ARID5B: variants seen among roughly 807,000 people sequenced by gnomAD.
ARID5B encodes the protein AT-rich interaction domain 5B.
In ARID5B, 13 loss-of-function variants were observed where a neutral mutation model predicts 97.2. That is an observed-to-expected ratio of 0.13 (90% confidence interval 0.09 to 0.21). The LOEUF (loss-of-function observed/expected upper bound fraction) is 0.21. Ranked by LOEUF, ARID5B falls within the 10% of genes least tolerant of loss-of-function variation. ARID5B has a pLI of 1.00. For missense variants in ARID5B, 1,210 were observed against 1,465.3 expected (o/e 0.83, Z 2.84); for synonymous variants, 556 against 570.3 (o/e 0.97, Z 0.36).
intron 2 of ARID5B, among the ~76,000 whole-genome samples, chr10:61,920,759 T>C (rs1844000438): frequency 6.6e-6 from 1 of 152,194 alleles, no homozygotes; most frequent in South Asian, 2.1e-4. Flanking sequence ...TTCAATTAAA[T>C]TCAATCAATA....
At chr10:61,946,688 C>T (rs1028534389) in intron 3 of ARID5B, among the ~76,000 whole-genome samples, 1 of 152,116 alleles carries the variant, frequency 6.6e-6, no homozygotes, top group Non-Finnish European at 1.5e-5. Context: ...TTTGGGAGGC[C>T]AAGGCGGGTG....
chr10:61,938,728 T>C lies in ARID5B; in HGVS notation c.277-1455T>C, dbSNP rs1844347119. On this transcript the variant is annotated intron_variant, in intron 2 of 9. Coordinates refer to ENST00000279873, the MANE Select transcript of ARID5B (RefSeq NM_032199.3). ...CCATTTAGTGGTAGTTCATATTTAA[T>C]CATGATAAGGGAAAGGATTCCATTA... is the stretch of plus-strand genomic sequence containing the variant. Among the ~76,000 whole-genome samples the C allele has an allele frequency of 2.0e-5, 3 of 152,180 alleles. No individual in the cohort carries two copies. In the South Asian group the frequency reaches 6.2e-4, roughly 32 times the overall value.
intron 4 of ARID5B, among the ~76,000 whole-genome samples, chr10:62,023,016 T>C (rs1389143742): frequency 6.6e-6 from 1 of 152,246 alleles, no homozygotes; most frequent in East Asian, 1.9e-4. Context: ...AACATATCTC[T>C]GTGTTTGTCT....
At chr10:61,930,516 C>T (rs1205152487) in intron 2 of ARID5B, among the ~76,000 whole-genome samples, 4 of 151,748 alleles carry the variant, frequency 2.6e-5, no homozygotes, top group African/African-American at 7.3e-5. Flanking sequence ...GTCAGGAGAT[C>T]GAGACCATCC....
intron 4 of ARID5B, among the ~76,000 whole-genome samples, chr10:62,034,836 A>AT (rs768407832): frequency 1.3e-5 from 2 of 152,188 alleles, no homozygotes; most frequent in African/African-American, 2.4e-5. Context: ...CGGTAGGCAC[A>AT]TTTTTTTAGG....
intron 8 of ARID5B, among the ~76,000 whole-genome samples, chr10:62,073,742 CTGTTGCTA>C (rs1166972382): frequency 6.6e-6 from 1 of 152,188 alleles, no homozygotes; most frequent in Non-Finnish European, 1.5e-5. Context: ...CATCGCAAGG[CTGTTGCTA>C]TGTAGATGTC....
At chr10:61,929,065 A>C (rs543014840) in intron 2 of ARID5B, among the ~76,000 whole-genome samples, 2 of 152,330 alleles carry the variant, frequency 1.3e-5, no homozygotes, top group South Asian at 4.1e-4. Flanking sequence ...CCGTCAGGAC[A>C]CAAGCTGAAG....
At chr10:61,976,593 T>A (rs1217033988) in intron 3 of ARID5B, among the ~76,000 whole-genome samples, 3 of 152,144 alleles carry the variant, frequency 2.0e-5, no homozygotes, top group Non-Finnish European at 4.4e-5. Flanking sequence ...GGAAAATGAA[T>A]AAAATTCTCA....
In ARID5B at chr10:61,950,505, A is replaced by C. The variant is rs537983309; in HGVS notation, c.502+10097A>C. On this transcript the variant is annotated intron_variant, in intron 3 of 9. Transcript: ENST00000279873. ...GCAACATAGTGAGACCTGTCTCTGC[A>C]AAAAAATTTTAAAAATTAGCTGAGT... is the stretch of plus-strand genomic sequence containing the variant. Among the ~76,000 whole-genome samples, 355 of 152,276 alleles carry C rather than the reference A, an allele frequency of 2.3e-3. 3 individuals carry two copies. Among genetic ancestry groups the C allele is most frequent in the Middle Eastern group, 3.4e-3 (1 of 294 alleles).
Position 62,096,225 on chromosome 10 carries a change from C to G in ARID5B, c.*3195C>G, listed in dbSNP as rs1480041787. 4.3e-6 allele frequency: 1 copy of G among 233,464 alleles called. No homozygotes were observed. The highest frequency in any genetic ancestry group is 8.5e-6 in the Non-Finnish European group (1 of 118,030). 14.5% of individuals were successfully genotyped at this position (233,464 alleles called of 1,614,324 possible). On this transcript the variant is annotated 3_prime_UTR_variant, in exon 10 of 10. Coordinates refer to ENST00000279873, the MANE Select transcript of ARID5B (RefSeq NM_032199.3). ...CGATGTTAACTTTACAACTTTCTGACCTGGTGCATGAATTCTCAAGTACTG... is the reference window on the plus strand; with the variant it reads ...CGATGTTAACTTTACAACTTTCTGAGCTGGTGCATGAATTCTCAAGTACTG...
At chr10:62,017,327 C>T (rs1410851436) in intron 4 of ARID5B, among the ~76,000 whole-genome samples, 1 of 152,026 alleles carries the variant, frequency 6.6e-6, no homozygotes, top group Non-Finnish European at 1.5e-5. Flanking sequence ...GTGACATGCC[C>T]CGTAATCCTA....
Position 62,095,138 on chromosome 10 carries a change from A to G in ARID5B, c.*2108A>G, listed in dbSNP as rs1840449186. The G allele has an allele frequency of 4.3e-6, 1 of 231,474 alleles. No homozygotes were observed. Among genetic ancestry groups the G allele is most frequent in the Non-Finnish European group, 8.6e-6 (1 of 116,826 alleles). The allele number at this position is 231,474 out of a possible 1,614,324, so 14.3% of individuals were successfully genotyped here. ...ATATATTTAATAGAACCATAGATAG[A>G]CTAGTAGAATTTAGATTATAAATGT... On this transcript the variant is annotated 3_prime_UTR_variant, in exon 10 of 10. Transcript: ENST00000279873.
At chr10:61,940,434 C>T (rs184104031) in intron 3 of ARID5B, 26 bp downstream of exon 3, 6 of 1,586,346 alleles carry the variant, frequency 3.8e-6, no homozygotes. Flanking sequence ...AATTTTAAAT[C>T]TAATGTGTGG....
chr10:62,006,476 G>A (rs2132874447), intron 4 of ARID5B, among the ~76,000 whole-genome samples: 1 of 152,174 alleles, frequency 6.6e-6, no homozygotes, highest in Non-Finnish European at 1.5e-5. Context: ...ACAAAATAAT[G>A]GTCTAACCAA....
intron 3 of ARID5B, among the ~76,000 whole-genome samples, chr10:61,995,751 G>A (rs1324737509): frequency 6.6e-6 from 1 of 152,124 alleles, no homozygotes; most frequent in Non-Finnish European, 1.5e-5. Flanking sequence ...GGCTTTTCCA[G>A]GTCCCACTTT....
chr10:61,963,697 G>A lies in ARID5B; in HGVS notation c.502+23289G>A, dbSNP rs576469201. 2.6e-5 allele frequency among the ~76,000 whole-genome samples: 4 copies of A among 152,132 alleles called. No individual in the cohort carries two copies. In the South Asian group the frequency reaches 8.3e-4, roughly 32 times the overall value. On this transcript the variant is annotated intron_variant, in intron 3 of 9. Transcript: ENST00000279873. ...TGATACATGAGGGTGTTAGTGGGAG[G>A]TTGAGAACTGCTTGGTGCATTCTTG...
intron 4 of ARID5B, among the ~76,000 whole-genome samples, chr10:62,016,572 G>A (rs947006819): frequency 9.2e-5 from 14 of 152,122 alleles, no homozygotes; most frequent in African/African-American, 2.4e-4. Context: ...CTGTAAATAC[G>A]GATTGTCTTA....
chr10:61,926,316 T>G (rs905243950), intron 2 of ARID5B, among the ~76,000 whole-genome samples: 1 of 151,426 alleles, frequency 6.6e-6, no homozygotes, highest in African/African-American at 2.4e-5. Context: ...AGGGAGGGAG[T>G]AGGTTGGGAT....
In ARID5B at chr10:61,943,304, G is replaced by A. The variant is rs143619318; in HGVS notation, c.502+2896G>A. Among the ~76,000 whole-genome samples, 519 of 152,036 alleles carry A rather than the reference G, an allele frequency of 3.4e-3. 6 individuals are homozygous for A. Among genetic ancestry groups the A allele is most frequent in the African/African-American group, 0.012 (483 of 41,454 alleles). On this transcript the variant is annotated intron_variant, in intron 3 of 9. Transcript: ENST00000279873. ...TTGTTGTCTGTACTTTTCTTTCTCCGCAGTGGTTTTCTTATCTCCTTTTCT... is the reference window on the plus strand; with the variant it reads ...TTGTTGTCTGTACTTTTCTTTCTCCACAGTGGTTTTCTTATCTCCTTTTCT...
Sources: gnomAD v4.1 joint callset for allele counts (sites outside exome capture counted in the v4.1 genomes callset) on GRCh38, gnomAD v4.1.1 for gene constraint, MANE v1.5 for transcripts, NCBI Gene and HGNC (gene_info 2026-07-23, HGNC 2026-07-21) for gene names.